Variants in AACS observed in about 807,000 individuals in gnomAD.
AACS encodes acetoacetate-CoA ligase.
Under a neutral mutation model 83.1 loss-of-function variants are expected in AACS, and 69 were observed. That is an observed-to-expected ratio of 0.83 (90% CI 0.68 to 1.01). The LOEUF is 1.01. Ranked by LOEUF, AACS falls within the 50% of genes least tolerant of loss-of-function variation. AACS has a pLI of 0.00. For synonymous variants in AACS, 333 were observed against 343.4 expected (o/e 0.97, Z 0.33); for missense variants, 866 against 882.2 (o/e 0.98, Z 0.23).
At chr12:125,134,143 G>A in intron 15 of AACS, 71 bp downstream of exon 15, 3 of 1,536,776 alleles carry the variant, frequency 2.0e-6, no homozygotes, top group Non-Finnish European at 2.6e-6. Context: ...GGGAGAGGAG[G>A]TGCTTTCTAT....
intron 3 of AACS, among the ~76,000 whole-genome samples, chr12:125,083,997 A>G (rs1437230569): frequency 1.3e-5 from 2 of 152,130 alleles, no homozygotes; most frequent in Non-Finnish European, 2.9e-5. Context: ...AGTGAATTTT[A>G]GTGGCATTGC....
chr12:125,137,660 G>C (rs536744332), intron 17 of AACS, among the ~76,000 whole-genome samples: 1 of 152,104 alleles, frequency 6.6e-6, no homozygotes, highest in African/African-American at 2.4e-5. Context: ...GGAGGAGGAG[G>C]GTCACCCAAA....
At position 125,094,978 on chromosome 12, in the gene AACS, CGTGTGTGT is replaced by C. The variant is rs57643228; in HGVS notation, c.570+3494_570+3501del. On this transcript the variant is annotated intron_variant, in intron 5 of 17. Coordinates refer to ENST00000316519, the MANE Select transcript of AACS (RefSeq NM_023928.5). This position sits in a 1 kb window ranked among gnomAD's most constrained non-coding sequence, Gnocchi z 4.1. ...TCCTCCTGAAGTGCCATCAGGTGGC[CGTGTGTGT>C]GTGTGTGTGTGTGTGTGTGTGTGTG... 0.33 allele frequency among the ~76,000 whole-genome samples: 47,634 copies of C among 144,822 alleles called. 7,915 individuals carry two copies. Among genetic ancestry groups the C allele is most frequent in the Non-Finnish European group, 0.37 (24,021 of 65,670 alleles).
intron 10 of AACS, among the ~76,000 whole-genome samples, 198 bp downstream of exon 10, chr12:125,118,963 G>T (rs1957106788): frequency 6.6e-6 from 1 of 152,196 alleles, no homozygotes; most frequent in African/African-American, 2.4e-5. Flanking sequence ...AGGAAGGGAG[G>T]GACACCAAGG....
intron 4 of AACS, among the ~76,000 whole-genome samples, chr12:125,090,200 T>C (rs761162119): frequency 0.86 from 25,870 of 30,042 alleles, 11,340 homozygotes; most frequent in Non-Finnish European, 0.88. Context: ...ATCTACCCAT[T>C]TACCCATTAT....
intron 3 of AACS, among the ~76,000 whole-genome samples, chr12:125,081,947 C>G (rs1275147967): frequency 6.6e-6 from 1 of 151,388 alleles, no homozygotes; most frequent in Non-Finnish European, 1.5e-5. Flanking sequence ...GTCATCTTGG[C>G]TCACTGCAGC....
intron 10 of AACS, among the ~76,000 whole-genome samples, chr12:125,119,174 A>G (rs142663908): frequency 3.9e-5 from 6 of 152,328 alleles, no homozygotes; most frequent in Admixed American, 3.3e-4. Context: ...TCGCATTTGC[A>G]TCTCCTCACA....
At chr12:125,133,724 G>A (rs1232137985) in intron 14 of AACS, among the ~76,000 whole-genome samples, 1 of 152,250 alleles carries the variant, frequency 6.6e-6, no homozygotes, top group African/African-American at 2.4e-5. Context: ...TGGCCTGGCC[G>A]AGCTTGGTCC....
At chr12:125,084,273 G>A (rs1005717639) in intron 3 of AACS, among the ~76,000 whole-genome samples, 2 of 151,126 alleles carry the variant, frequency 1.3e-5, no homozygotes, top group African/African-American at 4.9e-5. Flanking sequence ...AGCTGAGATC[G>A]CACCACTGCA....
At chr12:125,093,809 C>CG (rs1469967676) in intron 5 of AACS, among the ~76,000 whole-genome samples, 6 of 152,212 alleles carry the variant, frequency 3.9e-5, no homozygotes, top group African/African-American at 1.4e-4. Context: ...CTGCCGGAGA[C>CG]GGGGGTGTGT....
chr12:125,097,433 T>TA lies in AACS; in HGVS notation c.571-5229dup, dbSNP rs35791342. ...TGCTGAAGTTGGCCAATGTTTTACT[T>TA]AAAAAAAAAAAAAAAAAGTGCGTTG... is the stretch of plus-strand genomic sequence containing the variant. On this transcript the variant is annotated intron_variant, in intron 5 of 17. Transcript: ENST00000316519. The surrounding 1 kb of genome is among the most constrained non-coding windows in gnomAD (Gnocchi z 4.3). Among the ~76,000 whole-genome samples, 39,604 of 135,982 alleles carry TA rather than the reference T, an allele frequency of 0.29. 6,624 individuals are homozygous for TA. Among genetic ancestry groups the TA allele is most frequent in the Non-Finnish European group, 0.39 (24,633 of 63,380 alleles). 89.2% of individuals were successfully genotyped at this position (135,982 alleles called of 152,430 possible). A position where few individuals can be genotyped will look rare whatever the true frequency, so the allele number is the denominator to read the frequency against.
At chr12:125,118,857 C>T (rs1957105184) in intron 10 of AACS, 92 bp downstream of exon 10, 12 of 1,525,162 alleles carry the variant, frequency 7.9e-6, no homozygotes, top group South Asian at 5.0e-5. Flanking sequence ...TGCCTTCTAC[C>T]GTGGTCGGGG....
chr12:125,076,721 C>T, intron 3 of AACS, 110 bp downstream of exon 3: 1 of 1,485,388 alleles, frequency 6.7e-7, no homozygotes, highest in Non-Finnish European at 9.1e-7. Context: ...TATGTTGGCA[C>T]CTTTCTGATG....
intron 2 of AACS, among the ~76,000 whole-genome samples, chr12:125,076,207 T>C (rs1202332681): frequency 6.6e-6 from 1 of 152,214 alleles, no homozygotes; most frequent in Admixed American, 6.5e-5. Flanking sequence ...TCTTTGTCTT[T>C]AGGATCTCTC....
intron 4 of AACS, among the ~76,000 whole-genome samples, chr12:125,089,175 T>C (rs924572358): frequency 2.0e-5 from 3 of 152,176 alleles, no homozygotes; most frequent in Non-Finnish European, 4.4e-5. Context: ...TAGCCAAGTC[T>C]CATCTTCGCT....
intron 5 of AACS, among the ~76,000 whole-genome samples, chr12:125,098,246 A>G (rs1956653691): frequency 6.6e-6 from 1 of 151,994 alleles, no homozygotes; most frequent in South Asian, 2.1e-4. Flanking sequence ...CCTGGGCAAC[A>G]TGGCAAAACT....
intron 5 of AACS, chr12:125,102,472 A>ATT: frequency 1.7e-4 from 75 of 445,972 alleles, no homozygotes; most frequent in South Asian, 2.2e-4. Context: ...GGTTTTTGCC[A>ATT]TTTTTTTTTT....
rs1261455980 is a variant in AACS, at chr12:125,126,931, CCT to C, written c.1310-1229_1310-1228del. ...ACATATTTGTAGTTCTGATTTTTCT[CCT>C]TGTGATTTAAAAACATACTCTCAAA... On this transcript the variant is annotated intron_variant, in intron 12 of 17. Coordinates refer to ENST00000316519, the MANE Select transcript of AACS (RefSeq NM_023928.5). The C allele has an allele frequency of 3.9e-5, 6 of 151,984 alleles. No homozygotes were observed. The East Asian group carries it at 1.2e-3, about 30-fold the overall frequency. 9.4% of individuals were successfully genotyped at this position (151,984 alleles called of 1,614,324 possible).
At chr12:125,131,748 G>A (rs534567141) in intron 14 of AACS, among the ~76,000 whole-genome samples, 24 of 152,152 alleles carry the variant, frequency 1.6e-4, no homozygotes, top group African/African-American at 5.1e-4. Context: ...ACAGGCGCGC[G>A]CCACCACGCC....
Sources: allele counts gnomAD v4.1 joint callset (sites outside exome capture counted in the v4.1 genomes callset), GRCh38; gene constraint gnomAD v4.1.1; non-coding constraint Gnocchi (gnomAD v3.1); transcripts MANE v1.5; gene names NCBI Gene and HGNC (gene_info 2026-07-23, HGNC 2026-07-21).